CDH18: variants seen among roughly 807,000 people sequenced by gnomAD.
The protein encoded by CDH18 is cadherin 18.
Under a neutral mutation model 67.9 loss-of-function variants are expected in CDH18, and 31 were observed. The ratio of observed to expected loss-of-function variants is 0.46; its 90% CI spans 0.34 to 0.62. CDH18 has a LOEUF of 0.62. CDH18 is among the 20% of genes least tolerant of loss of function. The probability of loss-of-function intolerance (pLI) is 0.01; values close to 1 mark genes in which losing one functional copy is unlikely to be tolerated. For synonymous variants in CDH18, 362 were observed against 347.2 expected (o/e 1.04, Z -0.48); for missense variants, 890 against 975.5 (o/e 0.91, Z 1.17).
intron 2 of CDH18, among the ~76,000 whole-genome samples, chr5:19,914,773 G>A (rs1791567962): frequency 6.6e-6 from 1 of 151,880 alleles, no homozygotes; most frequent in Non-Finnish European, 1.5e-5. Flanking sequence ...TTTACCAAAG[G>A]AAACAAAATG....
chr5:19,666,558 A>G (rs1004258242), intron 5 of CDH18, among the ~76,000 whole-genome samples: 1 of 152,070 alleles, frequency 6.6e-6, no homozygotes, highest in African/African-American at 2.4e-5. Context: ...CGAGGAAATT[A>G]TGGCCATTGA....
At chr5:20,363,252 A>T (rs866544040) in intron 1 of CDH18, among the ~76,000 whole-genome samples, 7 of 151,556 alleles carry the variant, frequency 4.6e-5, no homozygotes, top group Admixed American at 1.3e-4. Flanking sequence ...TGGGAGGCCA[A>T]GGAGGGTGAA....
intron 5 of CDH18, among the ~76,000 whole-genome samples, chr5:19,674,595 C>A (rs989261843): frequency 6.6e-6 from 1 of 152,054 alleles, no homozygotes; most frequent in Non-Finnish European, 1.5e-5. Flanking sequence ...AGACTTTATA[C>A]ATACAACAGG....
intron 2 of CDH18, among the ~76,000 whole-genome samples, chr5:20,036,680 G>A (rs567503830): frequency 6.6e-6 from 1 of 152,164 alleles, no homozygotes; most frequent in South Asian, 2.1e-4. Flanking sequence ...GTAATTTTCT[G>A]TCTCATTCAT....
At chr5:20,216,440 T>C (rs922348503) in intron 2 of CDH18, among the ~76,000 whole-genome samples, 1 of 151,964 alleles carries the variant, frequency 6.6e-6, no homozygotes, top group African/African-American at 2.4e-5. Flanking sequence ...AGTGGGAACC[T>C]GTCTAAAAAT....
intron 5 of CDH18, among the ~76,000 whole-genome samples, chr5:19,640,444 C>A (rs1753839290): frequency 6.6e-6 from 1 of 151,806 alleles, no homozygotes; most frequent in Non-Finnish European, 1.5e-5. Context: ...AAGATAAAAC[C>A]TATAATCAAT....
intron 2 of CDH18, among the ~76,000 whole-genome samples, chr5:20,011,516 C>T (rs1737434467): frequency 6.6e-6 from 1 of 152,054 alleles, no homozygotes; most frequent in South Asian, 2.1e-4. Flanking sequence ...TGAGAGAGGG[C>T]ATCTTTGTCT....
intron 2 of CDH18, among the ~76,000 whole-genome samples, chr5:19,847,606 T>A (rs1783144506): frequency 6.6e-6 from 1 of 152,122 alleles, no homozygotes; most frequent in Admixed American, 6.6e-5. Context: ...GAGATTTATA[T>A]GCCTCTTTTG....
chr5:20,309,740 A>G (rs1330924282), intron 1 of CDH18, among the ~76,000 whole-genome samples: 9 of 152,184 alleles, frequency 5.9e-5, no homozygotes, highest in African/African-American at 1.2e-4. Flanking sequence ...TTCTTCATTT[A>G]CTTTGAGGAC....
chr5:20,141,252 C>A (rs2126524980), intron 2 of CDH18, among the ~76,000 whole-genome samples: 1 of 152,234 alleles, frequency 6.6e-6, no homozygotes, highest in Non-Finnish European at 1.5e-5. Context: ...CTTGATAAAT[C>A]AGCCAATTAC....
intron 2 of CDH18, among the ~76,000 whole-genome samples, chr5:20,246,995 T>G (rs1743429199): frequency 6.6e-6 from 1 of 152,166 alleles, no homozygotes; most frequent in Non-Finnish European, 1.5e-5. Flanking sequence ...CTTTTCCTCA[T>G]GCTCAGCTCA....
chr5:19,791,711 A>C (rs1043482444), intron 3 of CDH18, among the ~76,000 whole-genome samples: 1 of 152,174 alleles, frequency 6.6e-6, no homozygotes, highest in African/African-American at 2.4e-5. Context: ...GAATTTGGAA[A>C]GTAATTATCT....
chr5:19,926,541 G>A (rs1384300772), intron 2 of CDH18, among the ~76,000 whole-genome samples: 4 of 152,022 alleles, frequency 2.6e-5, no homozygotes, highest in Non-Finnish European at 5.9e-5. Context: ...GTTAATATAA[G>A]GCTAACATTT....
chr5:20,263,617 AT>A (rs1359461696), intron 1 of CDH18, among the ~76,000 whole-genome samples: 1 of 152,210 alleles, frequency 6.6e-6, no homozygotes, highest in East Asian at 1.9e-4. Flanking sequence ...GGGTAAAAAA[AT>A]GTTACAAATA....
intron 1 of CDH18, among the ~76,000 whole-genome samples, 179 bp from the exon 2 acceptor site, chr5:19,981,357 A>G (rs1437515426): frequency 6.6e-6 from 1 of 152,210 alleles, no homozygotes; most frequent in Non-Finnish European, 1.5e-5. Context: ...CACCTCCTGT[A>G]TGCTATTTGT....
At chr5:20,478,084 A>G (rs73764406) in intron 1 of CDH18, among the ~76,000 whole-genome samples, 6,421 of 152,264 alleles carry the variant, frequency 0.042, 395 homozygotes, top group African/African-American at 0.14. Context: ...TTGGGTCACA[A>G]ATAAATATTG....
intron 2 of CDH18, among the ~76,000 whole-genome samples, chr5:20,152,719 G>C (rs1438197874): frequency 6.6e-6 from 1 of 152,102 alleles, no homozygotes; most frequent in African/African-American, 2.4e-5. Flanking sequence ...AAAGGAATTA[G>C]TGCTGAATTG....
chr5:20,369,335 A>G (rs1181072989), intron 1 of CDH18, among the ~76,000 whole-genome samples: 1 of 152,220 alleles, frequency 6.6e-6, no homozygotes, highest in Non-Finnish European at 1.5e-5. Context: ...TAAATATCCT[A>G]CACTAATTGC....
chr5:19,643,998 G>T (rs1019216009), intron 5 of CDH18, among the ~76,000 whole-genome samples: 1 of 151,966 alleles, frequency 6.6e-6, no homozygotes, highest in Non-Finnish European at 1.5e-5. Flanking sequence ...TAAAGTTAAG[G>T]GAAAACATAC....
Sources: gnomAD v4.1 joint callset for allele counts (sites outside exome capture counted in the v4.1 genomes callset) on GRCh38, gnomAD v4.1.1 for gene constraint, MANE v1.5 for transcripts, NCBI Gene and HGNC (gene_info 2026-07-23, HGNC 2026-07-21) for gene names.